LRSAM1: variants seen among roughly 807,000 people sequenced by gnomAD.
The protein encoded by LRSAM1 is E3 ubiquitin-protein ligase LRSAM1.
LRSAM1 carries 96 observed loss-of-function variants against 118.1 expected under a neutral mutation model. The ratio of observed to expected loss-of-function variants is 0.81; its 90% confidence interval spans 0.69 to 0.96. The LOEUF (loss-of-function observed/expected upper bound fraction) is 0.96. Among genes scored for constraint, LRSAM1 ranks in the 40% least tolerant of loss-of-function variants. The pLI, the probability that LRSAM1 is intolerant of heterozygous loss-of-function variation, is 0.00. For synonymous variants in LRSAM1, 322 were observed against 364.2 expected (o/e 0.88, Z 1.32); for missense variants, 804 against 915.5 (o/e 0.88, Z 1.57).
At chr9:127,457,455 G>T (rs1212084649) in intron 6 of LRSAM1, 62 bp downstream of exon 6, 1 of 1,526,578 alleles carries the variant, frequency 6.6e-7, no homozygotes. Flanking sequence ...GCAGCTGAGC[G>T]CCTGCTCCTT....
At chr9:127,460,322 T>C (rs566269533) in intron 7 of LRSAM1, among the ~76,000 whole-genome samples, 1 of 152,282 alleles carries the variant, frequency 6.6e-6, no homozygotes, top group Non-Finnish European at 1.5e-5. Context: ...TTTTAATGGT[T>C]AGTGTGTCAT....
rs755028625 is a variant in LRSAM1 at position 127,463,227 on chromosome 9, A to G, written c.528+854A>G. Reference sequence around the variant, plus strand: ...AAAAAAAAAAAAAAAAAAAATTCTGAGCAGACCTGGATAACAGGGGCAGCC... The same window carrying G: ...AAAAAAAAAAAAAAAAAAAATTCTGGGCAGACCTGGATAACAGGGGCAGCC... On this transcript the variant is annotated intron_variant, in intron 9 of 25. Coordinates refer to ENST00000300417, the MANE Select transcript of LRSAM1 (RefSeq NM_001005373.4). Among the ~76,000 whole-genome samples, 745 of 146,620 alleles carry G rather than the reference A, an allele frequency of 5.1e-3. 3 individuals are homozygous for G. Among genetic ancestry groups the G allele is most frequent in the Non-Finnish European group, 8.5e-3 (568 of 67,028 alleles).
chr9:127,498,178 G>A (rs1031898345), intron 24 of LRSAM1, among the ~76,000 whole-genome samples: 29 of 152,232 alleles, frequency 1.9e-4, no homozygotes, highest in African/African-American at 6.8e-4. Flanking sequence ...CCTCAGTGGG[G>A]AGGCCCCGGG....
intron 22 of LRSAM1, 43 bp from the exon 23 acceptor site, chr9:127,495,918 GTTC>G (rs758684371): frequency 2.5e-6 from 4 of 1,607,300 alleles, no homozygotes; most frequent in African/African-American, 1.3e-5. Flanking sequence ...TAAACAGTGG[GTTC>G]TTTTCTTCCT....
At chr9:127,497,966 C>T (rs1281237640) in intron 24 of LRSAM1, among the ~76,000 whole-genome samples, 1 of 152,224 alleles carries the variant, frequency 6.6e-6, no homozygotes, top group Non-Finnish European at 1.5e-5. Flanking sequence ...TTAGCATGTC[C>T]CCCATCAGGT....
At chr9:127,482,763 G>T (rs980964202) in intron 15 of LRSAM1, among the ~76,000 whole-genome samples, 187 bp from the exon 16 acceptor site, 2 of 152,144 alleles carry the variant, frequency 1.3e-5, no homozygotes, top group Admixed American at 6.6e-5. Flanking sequence ...CAAGATACTC[G>T]AACTACAGGC....
At chr9:127,461,656 G>A (rs544506550) in intron 8 of LRSAM1, among the ~76,000 whole-genome samples, 8 of 152,348 alleles carry the variant, frequency 5.3e-5, no homozygotes, top group African/African-American at 1.7e-4. Flanking sequence ...CAGGCTGAGG[G>A]CAGTGGTGCC....
chr9:127,454,258 T>G (rs1048789870), intron 2 of LRSAM1, among the ~76,000 whole-genome samples: 4 of 151,350 alleles, frequency 2.6e-5, no homozygotes, highest in African/African-American at 9.7e-5. Context: ...TGGAACTCAC[T>G]AAAAAGATGC....
At chr9:127,468,853 G>A (rs984420860) in intron 10 of LRSAM1, among the ~76,000 whole-genome samples, 1 of 151,224 alleles carries the variant, frequency 6.6e-6, no homozygotes, top group African/African-American at 2.4e-5. Context: ...GCCAGGCGTG[G>A]TGGCACGTGC....
Position 127,457,310 on chromosome 9 carries a change from A to G in LRSAM1, c.175-6A>G. ...GCCCAGCATGGCCGCACATCTCTCC[A>G]CACAGGTGCTGATCGTCCACACGAA... On this transcript the variant is annotated splice_region_variant and splice_polypyrimidine_tract_variant and intron_variant, in intron 5 of 25. Transcript: ENST00000300417. 2 of 1,614,032 alleles carry G rather than the reference A, an allele frequency of 1.2e-6. No homozygotes were observed. The highest frequency in any genetic ancestry group is 1.7e-6 in the Non-Finnish European group (2 of 1,180,010).
chr9:127,481,279 A>G (rs1835528875), intron 15 of LRSAM1, 52 bp downstream of exon 15: 2 of 1,562,216 alleles, frequency 1.3e-6, no homozygotes, highest in Non-Finnish European at 1.7e-6. Context: ...TTTGAGACGG[A>G]GTCCTGCACT....
chr9:127,475,494 CAAA>C (rs71380065), intron 11 of LRSAM1, among the ~76,000 whole-genome samples: 1 of 95,284 alleles, frequency 1.0e-5, no homozygotes, highest in Non-Finnish European at 2.2e-5. Flanking sequence ...GACTCCATCT[CAAA>C]CAAACAAACA....
At chr9:127,495,288 G>A (rs367882167) in intron 21 of LRSAM1, 32 bp from the exon 22 acceptor site, 982 of 1,597,042 alleles carry the variant, frequency 6.1e-4, no homozygotes, top group Non-Finnish European at 7.7e-4. Context: ...TTACCATTTT[G>A]TGACTAACAT....
intron 24 of LRSAM1, among the ~76,000 whole-genome samples, chr9:127,498,297 T>C (rs1836233904): frequency 6.6e-6 from 1 of 152,186 alleles, no homozygotes; most frequent in African/African-American, 2.4e-5. Flanking sequence ...TCATTAAACT[T>C]CTTAGCTTTT....
chr9:127,495,190 T>C (rs1309610755), intron 21 of LRSAM1, 130 bp from the exon 22 acceptor site: 2 of 734,512 alleles, frequency 2.7e-6, no homozygotes, highest in African/African-American at 3.5e-5. Flanking sequence ...CGACCTCAGG[T>C]GATCTGCCCA....
intron 6 of LRSAM1, 144 bp downstream of exon 6, chr9:127,457,537 T>C (rs1436383571): frequency 1.3e-6 from 1 of 771,064 alleles, no homozygotes; most frequent in Non-Finnish European, 2.2e-6. Flanking sequence ...TATGGTTTAC[T>C]GGATACTTCT....
At chr9:127,469,446 G>T (rs1438947495) in intron 10 of LRSAM1, among the ~76,000 whole-genome samples, 1 of 151,160 alleles carries the variant, frequency 6.6e-6, no homozygotes, top group Admixed American at 6.6e-5. Context: ...CTCCAGTCTG[G>T]ATGACAGAGC....
chr9:127,486,279 G>A, intron 17 of LRSAM1: 1 of 231,986 alleles, frequency 4.3e-6, no homozygotes, highest in Non-Finnish European at 8.7e-6. Flanking sequence ...ACTCATCAGT[G>A]TCTGAGGACC....
intron 2 of LRSAM1, 38 bp from the exon 3 acceptor site, chr9:127,454,458 C>A: frequency 1.9e-6 from 3 of 1,543,258 alleles, no homozygotes; most frequent in Non-Finnish European, 2.7e-6. Flanking sequence ...GGGGCTGTGA[C>A]AAATTCCCCA....
Sources: gnomAD v4.1 joint callset for allele counts (sites outside exome capture counted in the v4.1 genomes callset) on GRCh38, gnomAD v4.1.1 for gene constraint, MANE v1.5 for transcripts, NCBI Gene and HGNC (gene_info 2026-07-23, HGNC 2026-07-21) for gene names.